PAAF1: variants seen among roughly 807,000 people sequenced by gnomAD.
PAAF1 encodes the protein proteasomal ATPase-associated factor 1.
A neutral mutation model predicts 52.8 loss-of-function variants in PAAF1; 46 were observed. That is an observed-to-expected ratio of 0.87 (90% CI 0.69 to 1.11). The LOEUF (loss-of-function observed/expected upper bound fraction) is 1.11. Ranked by LOEUF, PAAF1 falls within the 50% of genes most tolerant of loss-of-function variation. The probability of loss-of-function intolerance (pLI) is 0.00; values close to 1 mark genes in which losing one functional copy is unlikely to be tolerated. For synonymous variants in PAAF1, 178 were observed against 172.8 expected (o/e 1.03, Z -0.24); for missense variants, 424 against 477.4 (o/e 0.89, Z 1.04).
At chr11:73,909,083 G>A (rs1263018911) in intron 6 of PAAF1, among the ~76,000 whole-genome samples, 1 of 152,080 alleles carries the variant, frequency 6.6e-6, no homozygotes, top group Non-Finnish European at 1.5e-5. Flanking sequence ...CACCACGCCC[G>A]ACCTCTTAAT....
At chr11:73,886,411 C>T (rs1417710183) in intron 2 of PAAF1, among the ~76,000 whole-genome samples, 2 of 152,152 alleles carry the variant, frequency 1.3e-5, no homozygotes, top group Non-Finnish European at 2.9e-5. Flanking sequence ...CGCGGTGGCT[C>T]ACGCCTGTAA....
At chr11:73,884,108 C>T (rs1196995458) in intron 2 of PAAF1, among the ~76,000 whole-genome samples, 2 of 152,092 alleles carry the variant, frequency 1.3e-5, no homozygotes, top group East Asian at 3.9e-4. Flanking sequence ...ACTCAGCAGC[C>T]TGCATGTAGG....
intron 2 of PAAF1, among the ~76,000 whole-genome samples, chr11:73,884,032 G>T (rs985735023): frequency 2.0e-5 from 3 of 152,150 alleles, no homozygotes; most frequent in Non-Finnish European, 4.4e-5. Context: ...TTACAAAACT[G>T]CTGAGTTTAG....
At chr11:73,919,780 AG>A (rs1368528354) in intron 10 of PAAF1, among the ~76,000 whole-genome samples, 1 of 152,192 alleles carries the variant, frequency 6.6e-6, no homozygotes, top group African/African-American at 2.4e-5. Context: ...TACAGCCTGG[AG>A]GGACTACCTA....
chr11:73,893,988 C>T (rs1027070693), intron 4 of PAAF1, among the ~76,000 whole-genome samples: 9 of 152,060 alleles, frequency 5.9e-5, no homozygotes, highest in African/African-American at 1.7e-4. Context: ...TTTTTTGTAG[C>T]GGTGGAGTCC....
At chr11:73,899,344 TGG>T in intron 5 of PAAF1, 100 bp downstream of exon 5, 1 of 759,002 alleles carries the variant, frequency 1.3e-6, no homozygotes, top group Non-Finnish European at 2.3e-6. Context: ...TCTAAAAATG[TGG>T]GACCACTCTG....
At chr11:73,908,834 G>T (rs1208272342) in intron 6 of PAAF1, among the ~76,000 whole-genome samples, 1 of 151,584 alleles carries the variant, frequency 6.6e-6, no homozygotes, top group African/African-American at 2.4e-5. Context: ...TCTGTTGAAG[G>T]CTGGAGTGCA....
intron 8 of PAAF1, 53 bp from the exon 9 acceptor site, chr11:73,916,492 C>A: frequency 8.0e-7 from 1 of 1,243,236 alleles, no homozygotes; most frequent in South Asian, 1.5e-5. Context: ...CCTGTTTATT[C>A]TTGGAAACAA....
intron 2 of PAAF1, chr11:73,887,017 CCTT>C (rs1949080801): frequency 2.2e-6 from 1 of 452,636 alleles, no homozygotes; most frequent in South Asian, 1.6e-5. Context: ...CTCCCCTTCT[CCTT>C]CTGCCATGAG....
At chr11:73,880,237 C>G (rs1948854881) in intron 2 of PAAF1, 1 of 151,784 alleles carries the variant, frequency 6.6e-6, no homozygotes, top group African/African-American at 2.4e-5. Context: ...GGTCTCCTAC[C>G]CTGGACCAGA....
chr11:73,921,061 A>C (rs1950203380), intron 10 of PAAF1, among the ~76,000 whole-genome samples: 1 of 151,946 alleles, frequency 6.6e-6, no homozygotes, highest in South Asian at 2.1e-4. Flanking sequence ...GCACTTTGGG[A>C]GGTCAAGGCG....
chr11:73,893,738 CAAAAAAA>C (rs564348245), intron 4 of PAAF1, among the ~76,000 whole-genome samples: 3 of 71,968 alleles, frequency 4.2e-5, no homozygotes, highest in African/African-American at 1.7e-4. Context: ...ACTCTGTCTC[CAAAAAAA>C]AAAAAAAAAA....
intron 8 of PAAF1, among the ~76,000 whole-genome samples, chr11:73,914,772 G>C (rs557992511): frequency 1.4e-5 from 2 of 147,688 alleles, no homozygotes; most frequent in Non-Finnish European, 3.0e-5. Context: ...GCGCAATCTC[G>C]GTTCAGCTCA....
At chr11:73,927,197 G>T in intron 11 of PAAF1, 88 bp from the exon 12 acceptor site, 1 of 951,924 alleles carries the variant, frequency 1.1e-6, no homozygotes, top group Non-Finnish European at 1.7e-6. Flanking sequence ...AGACTCCATG[G>T]GACTAGTGTG....
chr11:73,890,202 C>T (rs946334489), intron 3 of PAAF1, among the ~76,000 whole-genome samples: 2 of 152,146 alleles, frequency 1.3e-5, no homozygotes, highest in Non-Finnish European at 2.9e-5. Flanking sequence ...TGGTATTATG[C>T]TGGTTAGAGT....
intron 10 of PAAF1, chr11:73,921,949 T>C: frequency 1.0e-6 from 1 of 955,492 alleles, no homozygotes; most frequent in Non-Finnish European, 1.7e-6. Flanking sequence ...CTTCTGGAGT[T>C]CCTTCAGACA....
At chr11:73,877,954 G>T (rs1211005874) in intron 1 of PAAF1, among the ~76,000 whole-genome samples, 1 of 152,104 alleles carries the variant, frequency 6.6e-6, no homozygotes, top group Non-Finnish European at 1.5e-5. Context: ...AACATTTATT[G>T]ATCTTATACT....
chr11:73,890,846 G>A (rs1046080306), intron 3 of PAAF1, among the ~76,000 whole-genome samples: 1 of 152,086 alleles, frequency 6.6e-6, no homozygotes, highest in Admixed American at 6.6e-5. Flanking sequence ...CATATTGTTT[G>A]TCTGTCTTCT....
chr11:73,909,433 G>T lies in PAAF1; in HGVS notation c.567G>T (p.Arg189Ser), dbSNP rs373378642. 9 of 1,613,966 alleles carry T rather than the reference G, an allele frequency of 5.6e-6. No individual in the cohort carries two copies. The highest frequency in any genetic ancestry group is 1.7e-5 in the Admixed American group (1 of 59,994). The change falls in exon 7 of 12, where the codon AGG becomes AGT. Residue 189 changes from arginine (R) to serine (S), a missense_variant. Coordinates refer to ENST00000310571, the MANE Select transcript of PAAF1 (RefSeq NM_025155.3). ...ATACAGCCATCGTTGATCGGGGGAG[G>T]AATGTGGTGTCTGCTTCTCGAGATG... is the stretch of plus-strand genomic sequence containing the variant. Reference protein sequence around the residue: ...ILDTAIVDRGRNVVSASRDGT... With the variant: ...ILDTAIVDRGSNVVSASRDGT...
Sources: gnomAD v4.1 joint callset for allele counts (sites outside exome capture counted in the v4.1 genomes callset) on GRCh38, gnomAD v4.1.1 for gene constraint, MANE v1.5 for transcripts, NCBI Gene and HGNC (gene_info 2026-07-23, HGNC 2026-07-21) for gene names.